Variants in PEA15 observed in about 807,000 individuals in gnomAD.
The protein encoded by PEA15 is proliferation and apoptosis adaptor protein 15.
For synonymous variants in PEA15, 60 were observed against 61.8 expected, an observed-to-expected ratio of 0.97 and a Z score of 0.13; for missense variants, 77 against 161.3, an observed-to-expected ratio of 0.48 and a Z score of 2.83.
At chr1:160,210,251 T>G (rs1291772958) in intron 1 of PEA15, among the ~76,000 whole-genome samples, 1 of 152,212 alleles carries the variant, frequency 6.6e-6, no homozygotes, top group Non-Finnish European at 1.5e-5. Flanking sequence ...CTGGGGTGAT[T>G]TGCAGGCAGC....
chr1:160,210,910 A>G (rs951109238), intron 1 of PEA15, among the ~76,000 whole-genome samples: 3 of 152,328 alleles, frequency 2.0e-5, no homozygotes, highest in Admixed American at 1.3e-4. Flanking sequence ...TAATGACTGA[A>G]TACAAGGCTA....
rs1000595428 is a variant in PEA15 at position 160,208,873 on chromosome 1, G to C, written c.-2-2670G>C. On this transcript the variant is annotated intron_variant, in intron 1 of 3. Coordinates refer to ENST00000360472, the MANE Select transcript of PEA15 (RefSeq NM_003768.5). This position sits in a 1 kb window ranked among gnomAD's most constrained non-coding sequence, Gnocchi z 4.1. ...CCCTACACTCCTCCCATCTAGTGGT[G>C]TCATCCTAACGACTGGGGGTGGGGG... 2 of 557,070 alleles carry C rather than the reference G, an allele frequency of 3.6e-6. No individual in the cohort carries two copies. The highest frequency in any genetic ancestry group is 6.4e-6 in the Non-Finnish European group (2 of 312,298). 34.5% of individuals were successfully genotyped at this position (557,070 alleles called of 1,614,324 possible).
chr1:160,207,714 G>C (rs1262923880), intron 1 of PEA15, among the ~76,000 whole-genome samples: 3 of 152,122 alleles, frequency 2.0e-5, no homozygotes, highest in African/African-American at 7.2e-5. Context: ...TGGATAAAAA[G>C]CTTAAAGAAG....
Position 160,213,305 on chromosome 1 carries a change from G to A in PEA15, c.328+40G>A, listed in dbSNP as rs746057373. 1.2e-5 allele frequency: 20 copies of A among 1,613,722 alleles called. No homozygotes were observed. Among genetic ancestry groups the A allele is most frequent in the African/African-American group, 2.7e-5 (2 of 74,920 alleles). ...CTTTAACTAGCTGCACCTCTGCCTCGTCCCGTTGACTATCCTTGGAGTACT... is the reference window on the plus strand; with the variant it reads ...CTTTAACTAGCTGCACCTCTGCCTCATCCCGTTGACTATCCTTGGAGTACT... On this transcript the variant is annotated intron_variant, in intron 3 of 3. Transcript: ENST00000360472. This position sits in a 1 kb window ranked among gnomAD's most constrained non-coding sequence, Gnocchi z 5.3.
chr1:160,213,699 GTCA>G lies in PEA15; in HGVS notation c.*214_*216del. ...AGTTCCTCTTCTTAAGGGGATGGGG[GTCA>G]GGGGCTAGGGGAGGGGGCTGAGTTT... On this transcript the variant is annotated 3_prime_UTR_variant, in exon 4 of 4. Transcript: ENST00000360472. This position sits in a 1 kb window ranked among gnomAD's most constrained non-coding sequence, Gnocchi z 5.3. The G allele has an allele frequency of 3.1e-6, 1 of 325,704 alleles. No homozygotes were observed. The highest frequency in any genetic ancestry group is 6.1e-6 in the Non-Finnish European group (1 of 164,876). The allele number at this position is 325,704 out of a possible 1,614,324, so 20.2% of individuals were successfully genotyped here. A position where few individuals can be genotyped will look rare whatever the true frequency, so the allele number is the denominator to read the frequency against.
At chr1:160,212,361 A>G (rs1319850823) in intron 2 of PEA15, among the ~76,000 whole-genome samples, 7 of 152,008 alleles carry the variant, frequency 4.6e-5, no homozygotes, top group Non-Finnish European at 7.4e-5. Context: ...CTTGACTAGG[A>G]TGTAGGGTGT....
chr1:160,207,436 C>T (rs1654646773), intron 1 of PEA15, among the ~76,000 whole-genome samples: 1 of 152,196 alleles, frequency 6.6e-6, no homozygotes, highest in Non-Finnish European at 1.5e-5. Context: ...CCCTCCTCGC[C>T]ATCAGCCGGC....
intron 1 of PEA15, among the ~76,000 whole-genome samples, chr1:160,210,943 T>A (rs963513503): frequency 1.3e-5 from 2 of 152,050 alleles, no homozygotes; most frequent in African/African-American, 4.8e-5. Flanking sequence ...CAAGGAACCA[T>A]CAGACCAAGC....
chr1:160,209,114 C>G (rs1298861505), intron 1 of PEA15, among the ~76,000 whole-genome samples: 1 of 142,600 alleles, frequency 7.0e-6, no homozygotes, highest in Non-Finnish European at 1.6e-5. Flanking sequence ...TACACATGCT[C>G]TTGGCTGGTT....
chr1:160,210,644 C>T (rs958370095), intron 1 of PEA15, among the ~76,000 whole-genome samples: 11 of 152,196 alleles, frequency 7.2e-5, no homozygotes, highest in Admixed American at 4.6e-4. Flanking sequence ...GATGTTGATA[C>T]GATACGAGAA....
Position 160,213,391 on chromosome 1 carries a change from T to A in PEA15, c.329-31T>A. On this transcript the variant is annotated intron_variant, in intron 3 of 3. Coordinates refer to ENST00000360472, the MANE Select transcript of PEA15 (RefSeq NM_003768.5). The surrounding 1 kb of genome is among the most constrained non-coding windows in gnomAD (Gnocchi z 5.3). ...GCCTGCCTGGCATCTCCCACACTGC[T>A]GTCCCTGGACACATACCTTTTTGCC... 1 of 1,613,698 alleles carries A rather than the reference T, an allele frequency of 6.2e-7. No homozygotes were observed. Among genetic ancestry groups the A allele is most frequent in the Non-Finnish European group, 8.5e-7 (1 of 1,179,554 alleles).
In PEA15 at chr1:160,208,429, G is replaced by T; in HGVS notation, c.-3+2907G>T. 1 of 603,566 alleles carries T rather than the reference G, an allele frequency of 1.7e-6. No individual in the cohort carries two copies. The highest frequency in any genetic ancestry group is 2.8e-5 in the East Asian group (1 of 35,508). 37.4% of individuals were successfully genotyped at this position (603,566 alleles called of 1,614,324 possible). On this transcript the variant is annotated intron_variant, in intron 1 of 3. Coordinates refer to ENST00000360472, the MANE Select transcript of PEA15 (RefSeq NM_003768.5). This position sits in a 1 kb window ranked among gnomAD's most constrained non-coding sequence, Gnocchi z 4.1. Reference sequence around the variant, plus strand: ...CTGACTTCCTGGCAGCCGGGGCTCCGGTTCCTGATTCCTGCCCTGGTATCC... The same window carrying T: ...CTGACTTCCTGGCAGCCGGGGCTCCTGTTCCTGATTCCTGCCCTGGTATCC...
In PEA15 at chr1:160,208,973, C is replaced by G. The variant is rs1292313206; in HGVS notation, c.-2-2570C>G. 2 of 306,740 alleles carry G rather than the reference C, an allele frequency of 6.5e-6. No homozygotes were observed. The highest frequency in any genetic ancestry group is 6.1e-6 in the Non-Finnish European group (1 of 164,104). The allele number at this position is 306,740 out of a possible 1,614,324, so 19.0% of individuals were successfully genotyped here. A position where few individuals can be genotyped will look rare whatever the true frequency, so the allele number is the denominator to read the frequency against. On this transcript the variant is annotated intron_variant, in intron 1 of 3. Coordinates refer to ENST00000360472, the MANE Select transcript of PEA15 (RefSeq NM_003768.5). The surrounding 1 kb of genome is among the most constrained non-coding windows in gnomAD (Gnocchi z 4.1). Reference sequence around the variant, plus strand: ...CTTCTATAGTTGTGGACTGTATGCTCTCCTCCCCCTCGCCCCCCATGCCTC... The same window carrying G: ...CTTCTATAGTTGTGGACTGTATGCTGTCCTCCCCCTCGCCCCCCATGCCTC...
chr1:160,213,670 A>T lies in PEA15; in HGVS notation c.*184A>T. On this transcript the variant is annotated 3_prime_UTR_variant, in exon 4 of 4. Transcript: ENST00000360472. The surrounding 1 kb of genome is among the most constrained non-coding windows in gnomAD (Gnocchi z 5.3). The stretch of plus-strand genomic sequence containing the variant: ...GGCTGTTTGTCTATATGTCTAGCTC[A>T]TCTAGTTCCTCTTCTTAAGGGGATG... The T allele has an allele frequency of 3.1e-6, 1 of 319,160 alleles. No individual in the cohort carries two copies. The highest frequency in any genetic ancestry group is 6.1e-6 in the Non-Finnish European group (1 of 162,946). The allele number at this position is 319,160 out of a possible 1,614,324, so 19.8% of individuals were successfully genotyped here.
chr1:160,205,476 CG>C lies in PEA15; in HGVS notation c.-45del. On this transcript the variant is annotated 5_prime_UTR_variant, in exon 1 of 4. Transcript: ENST00000360472. The surrounding 1 kb of genome is among the most constrained non-coding windows in gnomAD (Gnocchi z 5.9). ...GAGGTTCCGGACGCTGCTTAGGAACCGGGGACTCAGGAGTGCCCGCGCCCTG... is the reference window on the plus strand; with the variant it reads ...GAGGTTCCGGACGCTGCTTAGGAACCGGGACTCAGGAGTGCCCGCGCCCTG... The C allele has an allele frequency of 1.2e-5, 2 of 172,988 alleles. No individual in the cohort carries two copies. The highest frequency in any genetic ancestry group is 2.4e-5 in the African/African-American group (1 of 41,696). The allele number at this position is 172,988 out of a possible 1,614,324, so 10.7% of individuals were successfully genotyped here.
intron 1 of PEA15, chr1:160,206,414 C>T (rs1654590925): frequency 6.6e-6 from 1 of 152,272 alleles, no homozygotes; most frequent in Admixed American, 6.5e-5. Context: ...GGTCTCATTC[C>T]TCTAACACAA....
intron 1 of PEA15, 82 bp from the exon 2 acceptor site, chr1:160,211,461 A>G: frequency 1.4e-6 from 2 of 1,447,562 alleles, no homozygotes; most frequent in East Asian, 2.4e-5. Flanking sequence ...CAGAGTGGGG[A>G]GTAGGAGGGT....
At position 160,208,971 on chromosome 1, in the gene PEA15, C is replaced by T. The variant is rs192367239; in HGVS notation, c.-2-2572C>T. The T allele has an allele frequency of 7.9e-4, 253 of 319,462 alleles. No homozygotes were observed. The highest frequency in any genetic ancestry group is 1.2e-3 in the Non-Finnish European group (206 of 171,904). The allele number at this position is 319,462 out of a possible 1,614,324, so 19.8% of individuals were successfully genotyped here. ...GCCTTCTATAGTTGTGGACTGTATG[C>T]TCTCCTCCCCCTCGCCCCCCATGCC... On this transcript the variant is annotated intron_variant, in intron 1 of 3. Transcript: ENST00000360472. This position sits in a 1 kb window ranked among gnomAD's most constrained non-coding sequence, Gnocchi z 4.1.
At position 160,214,080 on chromosome 1, in the gene PEA15, T is replaced by A. The variant is rs1192478882; in HGVS notation, c.*594T>A. On this transcript the variant is annotated 3_prime_UTR_variant, in exon 4 of 4. Transcript: ENST00000360472. The stretch of plus-strand genomic sequence containing the variant: ...TAGGTATGAGCCAGGGATCCTTTCC[T>A]GGTCCCTAAGATCAAACCCCATGGA... 2 of 156,774 alleles carry A rather than the reference T, an allele frequency of 1.3e-5. No individual in the cohort carries two copies. The allele number at this position is 156,774 out of a possible 1,614,324, so 9.7% of individuals were successfully genotyped here. A position where few individuals can be genotyped will look rare whatever the true frequency, so the allele number is the denominator to read the frequency against.
Sources: gnomAD v4.1 joint callset for allele counts (sites outside exome capture counted in the v4.1 genomes callset) on GRCh38, gnomAD v4.1.1 for gene constraint, Gnocchi (gnomAD v3.1) non-coding constraint, MANE v1.5 for transcripts, NCBI Gene and HGNC (gene_info 2026-07-23, HGNC 2026-07-21) for gene names.